NKIRAS1: variants seen among roughly 807,000 people sequenced by gnomAD.
The protein encoded by NKIRAS1 is NFKB inhibitor interacting Ras like 1.
Under a neutral mutation model 19.8 loss-of-function variants are expected in NKIRAS1, and 16 were observed. The ratio of observed to expected loss-of-function variants is 0.81; its 90% CI spans 0.55 to 1.23. The LOEUF (loss-of-function observed/expected upper bound fraction) is 1.23. Ranked by LOEUF, NKIRAS1 falls within the 50% of genes most tolerant of loss-of-function variation. The pLI is 0.00. For synonymous variants in NKIRAS1, 88 were observed against 79.0 expected, an observed-to-expected ratio of 1.11 and a Z score of -0.61; for missense variants, 184 against 220.0, an observed-to-expected ratio of 0.84 and a Z score of 1.04.
At chr3:23,901,163 T>C (rs1702480717) in intron 3 of NKIRAS1, 114 bp from the exon 4 acceptor site, 1 of 1,102,594 alleles carries the variant, frequency 9.1e-7, no homozygotes, top group Non-Finnish European at 1.3e-6. Flanking sequence ...CATATAATAA[T>C]CACATTTCTA....
upstream of NKIRAS1, chr3:23,920,250 C>A: frequency 1.0e-6 from 1 of 985,628 alleles, no homozygotes; most frequent in Non-Finnish European, 1.2e-6. Context: ...CATTATGAAT[C>A]CCTTCAGTCA....
chr3:23,945,671 G>A (rs1705646601), intron 1 of NKIRAS1: 3 of 972,622 alleles, frequency 3.1e-6, no homozygotes, highest in African/African-American at 1.7e-5. Context: ...GGGGGGCGGC[G>A]GCAGGGGGTG....
At chr3:23,939,312 G>C (rs1481254041) in intron 1 of NKIRAS1, among the ~76,000 whole-genome samples, 1 of 152,038 alleles carries the variant, frequency 6.6e-6, no homozygotes, top group East Asian at 1.9e-4. Flanking sequence ...TCAAGATAAA[G>C]AGCAGAAATC....
Position 23,944,720 on chromosome 3 carries a change from A to G in NKIRAS1, c.-140+1603T>C, listed in dbSNP as rs1168663106. Among the ~76,000 whole-genome samples, 4 of 152,132 alleles carry G rather than the reference A, an allele frequency of 2.6e-5. No individual in the cohort carries two copies. The South Asian group carries it at 8.3e-4, about 32-fold the overall frequency. ...TTGAAATATAAATCTGGGAATCACA[A>G]GAACATAGGTCTACTTAAGCTATGA... On this transcript the variant is annotated intron_variant, in intron 1 of 4. Transcript: ENST00000421515.
At chr3:23,943,746 G>A (rs944626346) in intron 1 of NKIRAS1, among the ~76,000 whole-genome samples, 6 of 152,214 alleles carry the variant, frequency 3.9e-5, no homozygotes, top group African/African-American at 1.4e-4. Flanking sequence ...TCACATGAGG[G>A]TGATAAATTC....
intron 1 of NKIRAS1, among the ~76,000 whole-genome samples, chr3:23,944,729 G>C (rs1705582877): frequency 6.6e-6 from 1 of 151,702 alleles, no homozygotes; most frequent in Non-Finnish European, 1.5e-5. Context: ...AAGAACATAG[G>C]TCTACTTAAG....
chr3:23,907,086 GT>G (rs1559505146), intron 3 of NKIRAS1, among the ~76,000 whole-genome samples: 1 of 151,920 alleles, frequency 6.6e-6, no homozygotes, highest in Non-Finnish European at 1.5e-5. Context: ...TAGAGATGGG[GT>G]TTCGCCATGT....
chr3:23,910,739 T>C, intron 3 of NKIRAS1, 72 bp downstream of exon 3: 1 of 1,094,026 alleles, frequency 9.1e-7, no homozygotes, highest in Non-Finnish European at 1.4e-6. Flanking sequence ...CCACCTTTAG[T>C]TTAGCATGAC....
chr3:23,928,882 A>G (rs995673095), intron 1 of NKIRAS1, among the ~76,000 whole-genome samples: 3 of 151,938 alleles, frequency 2.0e-5, no homozygotes, highest in African/African-American at 7.2e-5. Flanking sequence ...CTGTAGTCCC[A>G]GCCACTTGGT....
At position 23,936,971 on chromosome 3, in the gene NKIRAS1, C is replaced by T. The variant is rs115978820; in HGVS notation, c.-140+9352G>A. The stretch of plus-strand genomic sequence containing the variant: ...CCCAGTGAGGGAAGAATGCGCTGCA[C>T]TTGGAGAATTCACCAGTGGAGGAGA... On this transcript the variant is annotated intron_variant, in intron 1 of 4. Coordinates refer to the NKIRAS1 transcript ENST00000421515. 2.6e-3 allele frequency among the ~76,000 whole-genome samples: 399 copies of T among 152,308 alleles called. 3 individuals carry two copies. The highest frequency in any genetic ancestry group is 8.9e-3 in the African/African-American group (371 of 41,570).
rs533120084 is a variant in NKIRAS1, at chr3:23,905,389, T to A, written c.95-4340A>T. On this transcript the variant is annotated intron_variant, in intron 3 of 4. Transcript: ENST00000425478. The stretch of plus-strand genomic sequence containing the variant: ...GGAGATTATGTGAAGGTTTGTCTTA[T>A]AATTATTAAACCATATATGCAATGC... 1.4e-4 allele frequency among the ~76,000 whole-genome samples: 21 copies of A among 152,368 alleles called. No homozygotes were observed. The South Asian group carries it at 4.1e-3, about 30-fold the overall frequency.
In NKIRAS1 at chr3:23,927,083, C is replaced by A. The variant is rs1380217756; in HGVS notation, c.-139-15633G>T. 6.6e-6 allele frequency among the ~76,000 whole-genome samples: 1 copy of A among 152,168 alleles called. No homozygotes were observed. Among genetic ancestry groups the A allele is most frequent in the African/African-American group, 2.4e-5 (1 of 41,426 alleles). ...CTGACTAGACATTTAGCTTCTCCAT[C>A]GATTTTAGTTATTCTTATTAATGAT... On this transcript the variant is annotated intron_variant, in intron 1 of 4. Coordinates refer to the NKIRAS1 transcript ENST00000421515. This position sits in a 1 kb window ranked among gnomAD's most constrained non-coding sequence, Gnocchi z 4.0.
intron 1 of NKIRAS1, among the ~76,000 whole-genome samples, chr3:23,937,358 G>A (rs73036760): frequency 0.059 from 8,902 of 151,954 alleles, 314 homozygotes; most frequent in Middle Eastern, 0.099. Flanking sequence ...AAAAAGAAAA[G>A]AAAAAGAAAA....
chr3:23,942,728 C>G (rs1403255491), intron 1 of NKIRAS1, among the ~76,000 whole-genome samples: 1 of 152,138 alleles, frequency 6.6e-6, no homozygotes, highest in Non-Finnish European at 1.5e-5. Context: ...GCCTCAAAGC[C>G]ACAGTTTACA....
At chr3:23,898,755 T>C (rs1266171315) in intron 4 of NKIRAS1, among the ~76,000 whole-genome samples, 2 of 152,144 alleles carry the variant, frequency 1.3e-5, no homozygotes, top group South Asian at 2.1e-4. Context: ...GTATGATTTC[T>C]TTTATATCAG....
At chr3:23,945,523 C>CGGT in intron 1 of NKIRAS1, 1 of 1,098,438 alleles carries the variant, frequency 9.1e-7, no homozygotes, top group Non-Finnish European at 1.1e-6. Flanking sequence ...GCGGCGGCGG[C>CGGT]GGCGCTGCCC....
At chr3:23,919,659 A>C (rs1704961294), upstream of NKIRAS1, 1 of 1,413,280 alleles carries the variant, frequency 7.1e-7, no homozygotes, top group East Asian at 2.5e-5. Flanking sequence ...GAAGACAATA[A>C]GTGGTGGTGT....
intron 1 of NKIRAS1, among the ~76,000 whole-genome samples, chr3:23,944,980 T>TC (rs1435420328): frequency 6.0e-5 from 9 of 150,476 alleles, no homozygotes; most frequent in Admixed American, 2.0e-4. Context: ...TGGAGAGGAC[T>TC]CCCGGCCAGA....
intron 1 of NKIRAS1, chr3:23,923,749 G>A (rs1479701574): frequency 1.3e-5 from 2 of 152,172 alleles, no homozygotes; most frequent in Admixed American, 1.3e-4. Flanking sequence ...TTGCCAAATT[G>A]TCTTCCATAA....
Sources: gnomAD v4.1 joint callset for allele counts (sites outside exome capture counted in the v4.1 genomes callset) on GRCh38, gnomAD v4.1.1 for gene constraint, Gnocchi (gnomAD v3.1) non-coding constraint, MANE v1.5 for transcripts, NCBI Gene and HGNC (gene_info 2026-07-23, HGNC 2026-07-21) for gene names.